The following ZDHHC1 variants were observed in gnomAD, a reference collection of about 807,000 sequenced individuals.
ZDHHC1 encodes the protein palmitoyltransferase ZDHHC1.
ZDHHC1 carries 45 observed loss-of-function variants against 46.9 expected under a neutral mutation model. That is an observed-to-expected ratio of 0.96 (90% CI 0.76 to 1.23). The LOEUF (loss-of-function observed/expected upper bound fraction) is 1.23, where lower values mean the gene tolerates loss of function less well. Ranked by LOEUF, ZDHHC1 falls within the 50% of genes most tolerant of loss-of-function variation. The pLI is 0.00. For synonymous variants in ZDHHC1, 291 were observed against 286.0 expected (o/e 1.02, Z -0.18); for missense variants, 649 against 670.8 (o/e 0.97, Z 0.36).
chr16:67,409,189 C>T (rs1430539172), intron 1 of ZDHHC1, among the ~76,000 whole-genome samples: 1 of 152,138 alleles, frequency 6.6e-6, no homozygotes, highest in African/African-American at 2.4e-5. Flanking sequence ...CCGCCACTTA[C>T]AGCCTTGGGG....
chr16:67,408,973 T>C (rs1044611680), intron 1 of ZDHHC1, among the ~76,000 whole-genome samples: 75 of 152,220 alleles, frequency 4.9e-4, no homozygotes, highest in Non-Finnish European at 2.2e-4. Context: ...TTGAAAGGAA[T>C]CCATTAATTT....
At chr16:67,415,691 A>G (rs2040823324) in intron 1 of ZDHHC1, among the ~76,000 whole-genome samples, 1 of 151,862 alleles carries the variant, frequency 6.6e-6, no homozygotes, top group African/African-American at 2.4e-5. Context: ...CGGGAGGCGG[A>G]GGTTGCAATG....
intron 8 of ZDHHC1, among the ~76,000 whole-genome samples, chr16:67,396,537 A>AGAGGG (rs2040437032): frequency 6.6e-6 from 1 of 150,854 alleles, no homozygotes; most frequent in South Asian, 2.1e-4. Flanking sequence ...ACGGCTCCAG[A>AGAGGG]GAGGGGCCCC....
At chr16:67,415,896 C>G (rs866374584) in intron 1 of ZDHHC1, among the ~76,000 whole-genome samples, 29 of 152,368 alleles carry the variant, frequency 1.9e-4, no homozygotes, top group Admixed American at 9.8e-4. Context: ...CTTCCCAGCC[C>G]CCTTCCTTAA....
intron 3 of ZDHHC1, chr16:67,404,812 G>T (rs1179427357): frequency 2.7e-5 from 12 of 436,484 alleles, no homozygotes; most frequent in South Asian, 1.8e-4. Context: ...CCTGGCACAT[G>T]TAAGGGCTCA....
chr16:67,411,496 C>T (rs1032154904), intron 1 of ZDHHC1, among the ~76,000 whole-genome samples: 4 of 152,182 alleles, frequency 2.6e-5, no homozygotes, highest in Non-Finnish European at 4.4e-5. Flanking sequence ...CTGTACTCAT[C>T]TTTCAACAAA....
At chr16:67,395,109 G>A in intron 10 of ZDHHC1, 47 bp from the exon 11 acceptor site, 1 of 1,613,216 alleles carries the variant, frequency 6.2e-7, no homozygotes, top group Middle Eastern at 1.6e-4. Flanking sequence ...GCCAAAAGAA[G>A]CAGAGGCGAG....
chr16:67,398,136 TC>T (rs1453184385), intron 8 of ZDHHC1, 75 bp downstream of exon 8: 18 of 1,451,924 alleles, frequency 1.2e-5, no homozygotes, highest in Non-Finnish European at 1.7e-5. Flanking sequence ...CCTTGCCCTG[TC>T]TCCTCACTGG....
At position 67,394,875 on chromosome 16, in the gene ZDHHC1, C is replaced by T. The variant is rs1449781134; in HGVS notation, c.1184G>A (p.Arg395His). 4 of 1,562,402 alleles carry T rather than the reference C, an allele frequency of 2.6e-6. No homozygotes were observed. The highest frequency in any genetic ancestry group is 1.7e-4 in the Middle Eastern group (1 of 5,902). Residue 395 changes from arginine (R) to histidine (H), a missense_variant, in exon 12 of 12, where the codon CGC becomes CAC. Coordinates refer to ENST00000565726, the MANE Select transcript of ZDHHC1 (RefSeq NM_001323627.2). ...DPASGPRAPS[R>H]RSSSSTDSAD... is the part of the protein sequence containing the mutation. The stretch of plus-strand genomic sequence containing the variant: ...GGAATCCGTCGACGAGCTGGAGCGG[C>T]GGCTGGGGGCCCTAGGCCCTGCGCA...
chr16:67,398,749 T>C lies in ZDHHC1; in HGVS notation c.656-18A>G, dbSNP rs866447519. ...CTTCAGGACTGCAAGGCACAGGCAGTGTGTGCTCAGCCGGGGACGTGACGG... is the reference window on the plus strand; with the variant it reads ...CTTCAGGACTGCAAGGCACAGGCAGCGTGTGCTCAGCCGGGGACGTGACGG... On this transcript the variant is annotated intron_variant, in intron 6 of 11. Transcript: ENST00000565726. The C allele has an allele frequency of 6.2e-7, 1 of 1,611,088 alleles. No homozygotes were observed. Among genetic ancestry groups the C allele is most frequent in the Non-Finnish European group, 8.5e-7 (1 of 1,178,986 alleles).
chr16:67,409,539 A>G (rs1041762437), intron 1 of ZDHHC1, among the ~76,000 whole-genome samples: 5 of 152,116 alleles, frequency 3.3e-5, no homozygotes, highest in Non-Finnish European at 7.4e-5. Context: ...CACTGACGAC[A>G]TTTTCTCCTG....
chr16:67,394,408 T>C lies in ZDHHC1; in HGVS notation c.*202A>G. ...CCCGTGGCCCCTGCCATTAAGAAAG[T>C]AAGCGCGACGTCCGCAAAAGCATAA... On this transcript the variant is annotated 3_prime_UTR_variant, in exon 12 of 12. Coordinates refer to ENST00000565726, the MANE Select transcript of ZDHHC1 (RefSeq NM_001323627.2). 2 of 303,498 alleles carry C rather than the reference T, an allele frequency of 6.6e-6. No homozygotes were observed. Among genetic ancestry groups the C allele is most frequent in the Non-Finnish European group, 1.0e-5 (2 of 192,528 alleles). 18.8% of individuals were successfully genotyped at this position (303,498 alleles called of 1,614,324 possible).
At chr16:67,399,004 G>A in intron 5 of ZDHHC1, 60 bp from the exon 6 acceptor site, 1 of 1,583,200 alleles carries the variant, frequency 6.3e-7, no homozygotes, top group Non-Finnish European at 8.6e-7. Context: ...AAGGCCCATA[G>A]GAGTTGGGGC....
At chr16:67,399,657 C>G (rs569869996) in intron 4 of ZDHHC1, among the ~76,000 whole-genome samples, 12 of 152,288 alleles carry the variant, frequency 7.9e-5, no homozygotes, top group Admixed American at 2.6e-4. Flanking sequence ...TCCCGAAGAG[C>G]TGGGGGACCC....
Position 67,406,339 on chromosome 16 carries a change from C to T in ZDHHC1, c.113G>A (p.Arg38Gln), listed in dbSNP as rs759312519. The change falls in exon 3 of 12, where the codon CGA (arginine) becomes CAA (glutamine). Residue 38 changes from arginine to glutamine, a missense_variant. Arg to Gln is a conservative substitution (Grantham distance 43). Coordinates refer to ENST00000565726, the MANE Select transcript of ZDHHC1 (RefSeq NM_001323627.2). The surrounding 1 kb of genome is among the most constrained non-coding windows in gnomAD (Gnocchi z 4.1). ...SGPSPELQGQ[R>Q]SRRNGWSWPP... ...CCAGCTCCACCCATTCCGGCGGGAT[C>T]GCTGGCCCTGCAGCTCAGGGGAGGG... The T allele has an allele frequency of 1.2e-5, 19 of 1,593,228 alleles. No homozygotes were observed. The highest frequency in any genetic ancestry group is 1.7e-4 in the Middle Eastern group (1 of 6,038).
Position 67,398,202 on chromosome 16 carries a change from T to C in ZDHHC1, c.927+10A>G. 1 of 1,359,336 alleles carries C rather than the reference T, an allele frequency of 7.4e-7. No individual in the cohort carries two copies. The highest frequency in any genetic ancestry group is 1.0e-6 in the Non-Finnish European group (1 of 952,638). The allele number at this position is 1,359,336 out of a possible 1,614,324, so 84.2% of individuals were successfully genotyped here. ...CACCCAGGCCCCCTCCCACCCTTCA[T>C]CCTCTATACCTGAATGGGCCGCATC... On this transcript the variant is annotated intron_variant, in intron 8 of 11. Coordinates refer to ENST00000565726, the MANE Select transcript of ZDHHC1 (RefSeq NM_001323627.2).
intron 5 of ZDHHC1, 112 bp downstream of exon 5, chr16:67,399,243 G>A: frequency 9.9e-7 from 1 of 1,007,034 alleles, no homozygotes. Flanking sequence ...AACGGGCACA[G>A]GTCCTCGAAG....
chr16:67,409,701 C>A (rs905257784), intron 1 of ZDHHC1, among the ~76,000 whole-genome samples: 1 of 152,256 alleles, frequency 6.6e-6, no homozygotes, highest in African/African-American at 2.4e-5. Flanking sequence ...TTGCTCCCCT[C>A]TCAGCACTTC....
intron 2 of ZDHHC1, 28 bp downstream of exon 2, chr16:67,407,739 C>T (rs1159953072): frequency 1.0e-5 from 8 of 780,904 alleles, no homozygotes; most frequent in Non-Finnish European, 1.9e-5. Flanking sequence ...TCCCCTATGT[C>T]CCTTCCCCCA....
Sources: allele counts gnomAD v4.1 joint callset (sites outside exome capture counted in the v4.1 genomes callset), GRCh38; gene constraint gnomAD v4.1.1; non-coding constraint Gnocchi (gnomAD v3.1); transcripts MANE v1.5; gene names NCBI Gene and HGNC (gene_info 2026-07-23, HGNC 2026-07-21).